The following HERC2 variants were observed in gnomAD, a reference collection of about 807,000 sequenced individuals.
HERC2 encodes E3 ubiquitin-protein ligase HERC2.
A neutral mutation model predicts 537.7 loss-of-function variants in HERC2; 102 were observed. That is an observed-to-expected ratio of 0.19 (90% CI 0.16 to 0.22). HERC2 has a LOEUF of 0.22. Among genes scored for constraint, HERC2 ranks in the 10% least tolerant of loss-of-function variants. HERC2 has a pLI of 1.00. For synonymous variants in HERC2, 2,224 were observed against 2,466.2 expected (o/e 0.90, Z 2.91); for missense variants, 4,236 against 6,198.2 (o/e 0.68, Z 10.63).
At chr15:28,211,990 A>C (rs1019676806) in intron 43 of HERC2, among the ~76,000 whole-genome samples, 2 of 152,204 alleles carry the variant, frequency 1.3e-5, no homozygotes, top group African/African-American at 4.8e-5. Flanking sequence ...CAACCGAAGG[A>C]AGGCAAAGCC....
chr15:28,262,679 A>G (rs10162958), intron 15 of HERC2, among the ~76,000 whole-genome samples: 23,263 of 144,488 alleles, frequency 0.16, 3,024 homozygotes, highest in East Asian at 0.43. Flanking sequence ...TCAACTCAAC[A>G]GGTTTAAATT....
In HERC2 at chr15:28,170,624, C is replaced by T. The variant is rs148190038; in HGVS notation, c.10058-969G>A. Among the ~76,000 whole-genome samples, 449 of 152,118 alleles carry T rather than the reference C, an allele frequency of 3.0e-3. 8 individuals carry two copies. In the South Asian group the frequency reaches 0.047, roughly 16 times the overall value. On this transcript the variant is annotated intron_variant, in intron 65 of 92. Transcript: ENST00000261609. Reference sequence around the variant, plus strand: ...GGCAAAAATATACTTAGACTTGACACCAAAAGTATGATCTATAAAAGAAAA... The same window carrying T: ...GGCAAAAATATACTTAGACTTGACATCAAAAGTATGATCTATAAAAGAAAA...
intron 74 of HERC2, 54 bp from the exon 75 acceptor site, chr15:28,143,006 T>C (rs539975902): frequency 1.3e-6 from 2 of 1,574,526 alleles, no homozygotes; most frequent in Admixed American, 3.5e-5. Flanking sequence ...CCGGGGAGGC[T>C]GACCATTTGT....
intron 36 of HERC2, 77 bp downstream of exon 36, chr15:28,221,950 CA>C (rs1900563272): frequency 9.6e-7 from 1 of 1,037,426 alleles, no homozygotes; most frequent in Admixed American, 1.7e-5. Flanking sequence ...TTCCAATTTC[CA>C]CCCACCAATA....
intron 44 of HERC2, among the ~76,000 whole-genome samples, chr15:28,207,425 C>T (rs938343014): frequency 7.2e-5 from 11 of 152,232 alleles, no homozygotes; most frequent in African/African-American, 2.2e-4. Context: ...CATAAGCCAC[C>T]ATGCCTGACC....
At chr15:28,117,528 C>T in intron 86 of HERC2, 1 of 536,518 alleles carries the variant, frequency 1.9e-6, no homozygotes, top group Non-Finnish European at 3.6e-6. Flanking sequence ...ACTTCACCAT[C>T]TTGCCACGAC....
chr15:28,150,413 A>G (rs1271801066), intron 70 of HERC2, among the ~76,000 whole-genome samples: 2 of 149,586 alleles, frequency 1.3e-5, no homozygotes, highest in Non-Finnish European at 3.0e-5. Flanking sequence ...AAAAACACAC[A>G]CTGGCTTAAC....
rs188453719 is a variant in HERC2, at chr15:28,282,908, G to A, written c.323-2621C>T. Among the ~76,000 whole-genome samples the A allele has an allele frequency of 8.7e-3, 1,309 of 151,328 alleles. 10 individuals carry two copies. Among genetic ancestry groups the A allele is most frequent in the Non-Finnish European group, 0.013 (873 of 67,874 alleles). Reference sequence around the variant, plus strand: ...GAACGTCCACTGCACTCCAGCCTGGGAAACAGGGAGAGACTCCGAAGATGG... The same window carrying A: ...GAACGTCCACTGCACTCCAGCCTGGAAAACAGGGAGAGACTCCGAAGATGG... On this transcript the variant is annotated intron_variant, in intron 4 of 92. Coordinates refer to ENST00000261609, the MANE Select transcript of HERC2 (RefSeq NM_004667.6).
chr15:28,308,407 T>G (rs1339205395), intron 2 of HERC2, among the ~76,000 whole-genome samples: 2 of 152,270 alleles, frequency 1.3e-5, no homozygotes, highest in Non-Finnish European at 2.9e-5. Flanking sequence ...TGATTTCGTA[T>G]ACTGCAATTG....
chr15:28,133,139 T>TAA (rs58617687), intron 79 of HERC2, among the ~76,000 whole-genome samples: 2 of 139,212 alleles, frequency 1.4e-5, no homozygotes. Context: ...TTAACGGGTT[T>TAA]AAAAAAAAAA....
intron 88 of HERC2, among the ~76,000 whole-genome samples, chr15:28,116,071 C>T (rs1888205442): frequency 6.6e-6 from 1 of 152,200 alleles, no homozygotes; most frequent in African/African-American, 2.4e-5. Context: ...GTGGCCGGGG[C>T]TGGCTCTGCC....
In HERC2 at chr15:28,292,932, C is replaced by T. The variant is rs1364913531; in HGVS notation, c.278G>A (p.Arg93Lys). 2 of 1,611,132 alleles carry T rather than the reference C, an allele frequency of 1.2e-6. No individual in the cohort carries two copies. Among genetic ancestry groups the T allele is most frequent in the Admixed American group, 1.7e-5 (1 of 59,832 alleles). Residue 93 changes from arginine (R) to lysine (K), a missense_variant, in exon 4 of 93, where the codon AGG (arginine) becomes AAG (lysine). Arg to Lys is a conservative substitution (Grantham distance 26). Transcript: ENST00000261609. ...CCAGCTGTCCAGAATTGACTTGGCC[C>T]TATATATAGGTGCAGGAGTTTCTTC... ...DEEETPAPIY[R>K]AKSILDSWVW...
intron 10 of HERC2, 70 bp downstream of exon 10, chr15:28,270,625 G>A: frequency 1.4e-6 from 2 of 1,470,336 alleles, no homozygotes; most frequent in South Asian, 2.5e-5. Flanking sequence ...CTCCACACGG[G>A]CCCAGGATGA....
chr15:28,127,210 C>G (rs1158089617), intron 83 of HERC2, among the ~76,000 whole-genome samples: 2 of 152,208 alleles, frequency 1.3e-5, no homozygotes, highest in Non-Finnish European at 2.9e-5. Flanking sequence ...GTCGCACACA[C>G]AAGGTGAGGA....
chr15:28,309,555 T>G (rs2595844), intron 2 of HERC2, among the ~76,000 whole-genome samples: 3 of 152,158 alleles, frequency 2.0e-5, no homozygotes, highest in Non-Finnish European at 4.4e-5. Context: ...GGTCTTCAAT[T>G]TGAAGAAGCA....
intron 44 of HERC2, among the ~76,000 whole-genome samples, chr15:28,210,722 T>TA (rs1899106568): frequency 1.3e-5 from 2 of 152,034 alleles, no homozygotes. Context: ...TTCTAACACA[T>TA]ACCTGCGTGC....
chr15:28,156,659 G>A (rs143184270), intron 69 of HERC2, among the ~76,000 whole-genome samples: 3,335 of 152,242 alleles, frequency 0.022, 123 homozygotes, highest in African/African-American at 0.075. Flanking sequence ...AGGCTGAGAC[G>A]ATGGGGTTTT....
At chr15:28,229,134 T>C in intron 34 of HERC2, 61 bp downstream of exon 34, 2 of 1,445,092 alleles carry the variant, frequency 1.4e-6, no homozygotes, top group Non-Finnish European at 1.9e-6. Context: ...CATTTGCAAG[T>C]TTCCACAACA....
intron 70 of HERC2, among the ~76,000 whole-genome samples, chr15:28,149,256 C>T (rs776940687): frequency 4.6e-5 from 7 of 151,474 alleles, no homozygotes; most frequent in Non-Finnish European, 7.4e-5. Flanking sequence ...AATGGCCACA[C>T]GAACACGTGT....
Sources: gnomAD v4.1 joint callset for allele counts (sites outside exome capture counted in the v4.1 genomes callset) on GRCh38, gnomAD v4.1.1 for gene constraint, MANE v1.5 for transcripts, NCBI Gene and HGNC (gene_info 2026-07-23, HGNC 2026-07-21) for gene names.